The following N4BP2L2 variants were observed in gnomAD, a reference collection of about 807,000 sequenced individuals.
The protein encoded by N4BP2L2 is NEDD4 binding protein 2 like 2, also known as NEDD4-binding protein 2-like 2.
N4BP2L2 carries 50 observed loss-of-function variants against 56.2 expected under a neutral mutation model. The observed-to-expected ratio is 0.89, with a 90% CI of 0.71 to 1.13. The LOEUF is 1.13. Among genes scored for constraint, N4BP2L2 ranks in the 50% most tolerant of loss-of-function variants. The pLI, the probability that N4BP2L2 is intolerant of heterozygous loss-of-function variation, is 0.00. For missense variants in N4BP2L2, 689 were observed against 693.8 expected (o/e 0.99, Z 0.08); for synonymous variants, 203 against 223.6 (o/e 0.91, Z 0.82).
At chr13:32,454,527 C>T (rs181833683) in intron 6 of N4BP2L2, among the ~76,000 whole-genome samples, 28 of 151,838 alleles carry the variant, frequency 1.8e-4, no homozygotes, top group African/African-American at 6.5e-4. Flanking sequence ...GGCCTATACA[C>T]AGGAAAAAAA....
intron 6 of N4BP2L2, chr13:32,446,252 A>C: frequency 1.5e-6 from 1 of 682,744 alleles, no homozygotes; most frequent in Non-Finnish European, 2.2e-6. Context: ...AAATACTCTA[A>C]GGAACACTAA....
At chr13:32,500,352 A>G (rs1223181314) in intron 6 of N4BP2L2, among the ~76,000 whole-genome samples, 4 of 152,230 alleles carry the variant, frequency 2.6e-5, no homozygotes, top group Non-Finnish European at 4.4e-5. Context: ...TTATTTCTCT[A>G]TAAGTAAATT....
intron 6 of N4BP2L2, among the ~76,000 whole-genome samples, chr13:32,462,861 TAAAAAAAAAAA>T (rs569068082): frequency 1.2e-3 from 62 of 51,114 alleles, no homozygotes; most frequent in African/African-American, 3.5e-3. Flanking sequence ...CTGTCTTTAC[TAAAAAAAAAAA>T]AAAAAAAAAA....
At chr13:32,441,206 G>T (rs1287317248) in intron 7 of N4BP2L2, among the ~76,000 whole-genome samples, 1 of 152,012 alleles carries the variant, frequency 6.6e-6, no homozygotes, top group Non-Finnish European at 1.5e-5. Flanking sequence ...CAACTAGTCA[G>T]GCTTCCACCT....
At chr13:32,463,918 C>CAAAAAAAAAAAAAA (rs58685358) in intron 6 of N4BP2L2, among the ~76,000 whole-genome samples, 8 of 64,152 alleles carry the variant, frequency 1.2e-4, no homozygotes, top group Admixed American at 2.3e-4. Flanking sequence ...TGCCCATGAC[C>CAAAAAAAAAAAAAA]AAAAAAAAAA....
intron 6 of N4BP2L2, among the ~76,000 whole-genome samples, chr13:32,456,948 C>G (rs1259316339): frequency 6.6e-6 from 1 of 152,078 alleles, no homozygotes; most frequent in Non-Finnish European, 1.5e-5. Flanking sequence ...CCAGCCTGGC[C>G]AAAGCATGGC....
At chr13:32,503,280 T>C (rs540270215) in intron 6 of N4BP2L2, among the ~76,000 whole-genome samples, 1 of 151,966 alleles carries the variant, frequency 6.6e-6, no homozygotes, top group African/African-American at 2.4e-5. Flanking sequence ...TAAATCTCAG[T>C]GTTGCTTCTT....
chr13:32,471,868 C>T (rs2082367162), intron 6 of N4BP2L2, among the ~76,000 whole-genome samples: 1 of 152,236 alleles, frequency 6.6e-6, no homozygotes, highest in Admixed American at 6.5e-5. Context: ...CCCTTCAGAC[C>T]TCAGCATAGG....
intron 7 of N4BP2L2, among the ~76,000 whole-genome samples, chr13:32,441,905 A>G (rs2076428156): frequency 6.7e-6 from 1 of 148,860 alleles, no homozygotes; most frequent in Admixed American, 6.7e-5. Flanking sequence ...ATAAATAAAT[A>G]AATAAATAAA....
chr13:32,500,356 GTAAAT>G (rs936632601), intron 6 of N4BP2L2, among the ~76,000 whole-genome samples: 16 of 151,914 alleles, frequency 1.1e-4, no homozygotes, highest in African/African-American at 3.4e-4. Context: ...TTCTCTATAA[GTAAAT>G]TGTTTCTAAA....
intron 6 of N4BP2L2, among the ~76,000 whole-genome samples, chr13:32,462,936 G>A (rs1381566351): frequency 2.0e-5 from 3 of 150,666 alleles, no homozygotes; most frequent in African/African-American, 4.9e-5. Flanking sequence ...CCAGCTACAC[G>A]GGAGGCTGAG....
intron 2 of N4BP2L2, among the ~76,000 whole-genome samples, chr13:32,532,766 T>G (rs949701271): frequency 6.6e-6 from 1 of 151,832 alleles, no homozygotes; most frequent in Non-Finnish European, 1.5e-5. Context: ...CATTTTTGTA[T>G]TTTTAGTAGA....
intron 7 of N4BP2L2, among the ~76,000 whole-genome samples, chr13:32,442,207 A>G (rs1305532681): frequency 6.6e-6 from 1 of 152,244 alleles, no homozygotes; most frequent in Non-Finnish European, 1.5e-5. Context: ...GACTACCGAC[A>G]GCAAAGGGTG....
chr13:32,473,236 C>T (rs1016392135), intron 6 of N4BP2L2, among the ~76,000 whole-genome samples: 5 of 150,690 alleles, frequency 3.3e-5, no homozygotes, highest in African/African-American at 7.3e-5. Flanking sequence ...GAGCCAAGAT[C>T]GCACCACTGC....
At chr13:32,465,237 T>G (rs1453408771) in intron 6 of N4BP2L2, among the ~76,000 whole-genome samples, 1 of 152,156 alleles carries the variant, frequency 6.6e-6, no homozygotes. Flanking sequence ...AGTGCTGGGA[T>G]TACAGGTGTG....
chr13:32,482,023 T>C (rs1287330065), intron 6 of N4BP2L2, among the ~76,000 whole-genome samples: 1 of 152,176 alleles, frequency 6.6e-6, no homozygotes, highest in East Asian at 1.9e-4. Flanking sequence ...GGGTGTATGG[T>C]ACATGGGGGC....
At chr13:32,458,520 G>C (rs903380800) in intron 6 of N4BP2L2, among the ~76,000 whole-genome samples, 1 of 152,126 alleles carries the variant, frequency 6.6e-6, no homozygotes, top group African/African-American at 2.4e-5. Context: ...AGATAAAACA[G>C]ACTTTAAGTC....
chr13:32,469,144 C>T (rs1045244260), intron 6 of N4BP2L2, among the ~76,000 whole-genome samples: 24 of 152,210 alleles, frequency 1.6e-4, no homozygotes, highest in African/African-American at 5.8e-4. Flanking sequence ...TTTTGGACCT[C>T]AGCATGGGCT....
intron 6 of N4BP2L2, chr13:32,490,175 G>A (rs533879463): frequency 6.6e-6 from 1 of 151,868 alleles, no homozygotes; most frequent in African/African-American, 2.4e-5. Context: ...TAATTTACTC[G>A]TCATCTTCGG....
Sources: gnomAD v4.1 joint callset for allele counts (sites outside exome capture counted in the v4.1 genomes callset) on GRCh38, gnomAD v4.1.1 for gene constraint, MANE v1.5 for transcripts, NCBI Gene and HGNC (gene_info 2026-07-23, HGNC 2026-07-21) for gene names.